Variants in IGBP1C observed in about 807,000 individuals in gnomAD.
IGBP1C encodes the protein IGBP1 family member C, also known as immunoglobulin-binding protein 1 family member C.
At chr17:58,680,508 A>T in the IGBP1C span, among the ~76,000 whole-genome samples, 15 of 152,176 alleles carry the variant, frequency 9.9e-5, no homozygotes, top group African/African-American at 3.6e-4. Flanking sequence ...TTGGGAGGCC[A>T]ATGCGGGCAG....
chr17:58,667,142 T>C, the IGBP1C span, among the ~76,000 whole-genome samples: 1 of 152,194 alleles, frequency 6.6e-6, no homozygotes, highest in Non-Finnish European at 1.5e-5. Flanking sequence ...GAATGAACTT[T>C]TAGTCACGGG....
the IGBP1C span, among the ~76,000 whole-genome samples, chr17:58,678,770 A>G: frequency 1.3e-5 from 2 of 151,214 alleles, no homozygotes; most frequent in Non-Finnish European, 1.5e-5. Flanking sequence ...ACATGTATAC[A>G]TATGTAACAA....
the IGBP1C span, among the ~76,000 whole-genome samples, chr17:58,667,931 G>GGCCAAACC: frequency 6.6e-6 from 1 of 151,238 alleles, no homozygotes; most frequent in Non-Finnish European, 1.5e-5. Context: ...TTGTTTGCTT[G>GGCCAAACC]GCCAAACCTT....
chr17:58,666,593 C>G, the IGBP1C span: 1 of 151,842 alleles, frequency 6.6e-6, no homozygotes, highest in Admixed American at 6.6e-5. Flanking sequence ...TGTAGTTACC[C>G]ACATTTGGGG....
At chr17:58,683,244 G>T in the IGBP1C span, among the ~76,000 whole-genome samples, 1 of 150,974 alleles carries the variant, frequency 6.6e-6, no homozygotes, top group African/African-American at 2.4e-5. Context: ...ATGGTGGCAC[G>T]TGTCTGTAAT....
the IGBP1C span, among the ~76,000 whole-genome samples, chr17:58,691,557 C>T: frequency 1.1e-4 from 16 of 151,032 alleles, no homozygotes; most frequent in Admixed American, 6.0e-4. Flanking sequence ...ATCCCAGGTA[C>T]TCAAGAGGCT....
At chr17:58,661,654 G>T in the IGBP1C span, 1 of 638,964 alleles carries the variant, frequency 1.6e-6, no homozygotes, top group Admixed American at 2.8e-5. Context: ...CACACGTAAA[G>T]ATTCTGGCGT....
At chr17:58,689,164 G>A in the IGBP1C span, among the ~76,000 whole-genome samples, 3 of 151,944 alleles carry the variant, frequency 2.0e-5, no homozygotes, top group East Asian at 1.9e-4. Flanking sequence ...TCCTGATCTC[G>A]TGATCCGCCC....
the IGBP1C span, among the ~76,000 whole-genome samples, chr17:58,669,483 G>A: frequency 1.3e-5 from 2 of 151,876 alleles, no homozygotes; most frequent in Admixed American, 6.6e-5. Context: ...CTGTAATCCT[G>A]ACACTTTCGG....
the IGBP1C span, among the ~76,000 whole-genome samples, chr17:58,674,363 A>T: frequency 6.6e-6 from 1 of 152,010 alleles, no homozygotes; most frequent in Admixed American, 6.6e-5. Flanking sequence ...CAGGAGTGAG[A>T]ATAACTTATT....
the IGBP1C span, among the ~76,000 whole-genome samples, chr17:58,674,753 C>T: frequency 4.1e-5 from 6 of 145,396 alleles, no homozygotes; most frequent in Non-Finnish European, 8.9e-5. Flanking sequence ...TTACATATGA[C>T]ATCAAAAGCA....
At chr17:58,661,009 A>G in the IGBP1C span, 1 of 1,171,682 alleles carries the variant, frequency 8.5e-7, no homozygotes, top group Non-Finnish European at 1.3e-6. Flanking sequence ...TCTGAAGGTG[A>G]AGAAGATAAT....
At chr17:58,660,686 T>G in the IGBP1C span, 1 of 782,496 alleles carries the variant, frequency 1.3e-6, no homozygotes, top group South Asian at 1.3e-5. Flanking sequence ...CTCCTTTTCT[T>G]GATCTTCCTG....
At chr17:58,669,495 G>A in the IGBP1C span, among the ~76,000 whole-genome samples, 3 of 151,618 alleles carry the variant, frequency 2.0e-5, no homozygotes, top group Non-Finnish European at 4.4e-5. Flanking sequence ...CACTTTCGGA[G>A]GCCGAGGTTA....
chr17:58,680,589 A>C, the IGBP1C span, among the ~76,000 whole-genome samples: 1 of 151,966 alleles, frequency 6.6e-6, no homozygotes, highest in Non-Finnish European at 1.5e-5. Context: ...TAAAAATACA[A>C]AAATCAGCTG....
At chr17:58,681,166 G>T in the IGBP1C span, among the ~76,000 whole-genome samples, 1 of 152,144 alleles carries the variant, frequency 6.6e-6, no homozygotes, top group South Asian at 2.1e-4. Context: ...TACTCGGGAG[G>T]CTGAGACAGG....
chr17:58,685,807 C>G, the IGBP1C span, among the ~76,000 whole-genome samples: 1 of 151,450 alleles, frequency 6.6e-6, no homozygotes, highest in East Asian at 2.0e-4. Flanking sequence ...GCCTGGCCAA[C>G]ATGGTGAAAC....
At chr17:58,660,509 G>C in the IGBP1C span, 1 of 713,494 alleles carries the variant, frequency 1.4e-6, no homozygotes, top group African/African-American at 1.8e-5. Flanking sequence ...CTCAGGGAGG[G>C]GAAGGCTGCA....
the IGBP1C span, among the ~76,000 whole-genome samples, chr17:58,688,709 G>C: frequency 6.6e-6 from 1 of 152,056 alleles, no homozygotes. Flanking sequence ...ATCCAAATCT[G>C]TGTGACTCCG....
Sources: gnomAD v4.1 joint callset for allele counts (sites outside exome capture counted in the v4.1 genomes callset) on GRCh38, gnomAD v4.1.1 for gene constraint, MANE v1.5 for transcripts, NCBI Gene and HGNC (gene_info 2026-07-23, HGNC 2026-07-21) for gene names.